Variants in LMF1 observed in about 807,000 individuals in gnomAD.
LMF1 encodes the protein transmembrane protein 112.
In LMF1, 68 loss-of-function variants were observed where a neutral mutation model predicts 60.6. The observed-to-expected ratio is 1.12, with a 90% CI of 0.92 to 1.37. LMF1 has a LOEUF of 1.37. Among genes scored for constraint, LMF1 ranks in the 40% most tolerant of loss-of-function variants. The pLI, the probability that LMF1 is intolerant of heterozygous loss-of-function variation, is 0.00. For synonymous variants in LMF1, 418 were observed against 324.7 expected, an observed-to-expected ratio of 1.29 and a Z score of -3.09; for missense variants, 948 against 767.2, an observed-to-expected ratio of 1.24 and a Z score of -2.78.
chr16:871,537 C>G (rs2069793633), intron 6 of LMF1, 196 bp from the exon 7 acceptor site: 1 of 603,992 alleles, frequency 1.7e-6, no homozygotes, highest in South Asian at 2.0e-5. Context: ...TCAGAGGTGC[C>G]TTCCGGCAGG....
At chr16:914,007 G>A (rs2071197711) in intron 3 of LMF1, among the ~76,000 whole-genome samples, 1 of 152,214 alleles carries the variant, frequency 6.6e-6, no homozygotes, top group South Asian at 2.1e-4. Context: ...CTCTTGGAGT[G>A]GCTTCCCAGA....
At position 969,522 on chromosome 16, in the gene LMF1, A is replaced by G. The variant is rs80067698; in HGVS notation, c.193+1266T>C. 7.2e-5 allele frequency among the ~76,000 whole-genome samples: 11 copies of G among 152,286 alleles called. No homozygotes were observed. In the East Asian group the frequency reaches 2.1e-3, roughly 29 times the overall value. ...TCACTCCAGCACAACCAGGCTACCA[A>G]ACTTCCCGCGACGTGTGTGGCACAA... On this transcript the variant is annotated intron_variant, in intron 1 of 10. Coordinates refer to ENST00000262301, the MANE Select transcript of LMF1 (RefSeq NM_022773.4).
At chr16:965,110 G>T (rs544600614) in intron 1 of LMF1, among the ~76,000 whole-genome samples, 3 of 152,252 alleles carry the variant, frequency 2.0e-5, no homozygotes, top group African/African-American at 7.2e-5. Context: ...TCCCGCCAGC[G>T]TTGGGCATTC....
chr16:934,303 C>T (rs780084093), intron 2 of LMF1, 49 bp from the exon 3 acceptor site: 3 of 1,597,454 alleles, frequency 1.9e-6, no homozygotes, highest in Admixed American at 1.7e-5. Flanking sequence ...CTTGTTTCAA[C>T]CAAAAACCCA....
intron 2 of LMF1, among the ~76,000 whole-genome samples, chr16:945,300 T>C (rs931500200): frequency 2.6e-5 from 4 of 151,422 alleles, no homozygotes; most frequent in East Asian, 1.9e-4. Flanking sequence ...GATAGGAGTA[T>C]TGAACTTTGA....
Position 981,282 on chromosome 16 carries a change from C to CTGTGTG in LMF1, c.-278_-273dup, listed in dbSNP as rs71142797. Reference sequence around the variant, plus strand: ...GGCGAGACCTCAGGCGCGAGACGGGCTGTGTGTGTGTGTGTGTGTGTGAGA... The same window carrying CTGTGTG: ...GGCGAGACCTCAGGCGCGAGACGGGCTGTGTGTGTGTGTGTGTGTGTGTGTGTGAGA... On this transcript the variant is annotated 5_prime_UTR_variant, in exon 1 of 7. Transcript: ENST00000570014. 19 of 310,774 alleles carry CTGTGTG rather than the reference C, an allele frequency of 6.1e-5. No homozygotes were observed. The African/African-American group carries it at 7.3e-4, about 12-fold the overall frequency. The allele number at this position is 310,774 out of a possible 1,614,324, so 19.3% of individuals were successfully genotyped here. A position where few individuals can be genotyped will look rare whatever the true frequency, so the allele number is the denominator to read the frequency against.
intron 10 of LMF1, among the ~76,000 whole-genome samples, chr16:864,466 A>G (rs1306873588): frequency 6.6e-6 from 1 of 152,190 alleles, no homozygotes; most frequent in Non-Finnish European, 1.5e-5. Flanking sequence ...ACACTGTATT[A>G]CAAAACAGGC....
chr16:863,049 T>A (rs1439871486), intron 10 of LMF1, among the ~76,000 whole-genome samples: 1 of 152,204 alleles, frequency 6.6e-6, no homozygotes, highest in Admixed American at 6.5e-5. Context: ...CCAGGTGAGT[T>A]GTGGTAGTTT....
chr16:876,115 G>C (rs907148645), intron 6 of LMF1, among the ~76,000 whole-genome samples: 16 of 152,362 alleles, frequency 1.1e-4, no homozygotes, highest in African/African-American at 3.4e-4. Context: ...CCGGGGCTCC[G>C]TCTGTTGCCC....
At chr16:967,542 G>A (rs1317741674) in intron 1 of LMF1, among the ~76,000 whole-genome samples, 1 of 152,184 alleles carries the variant, frequency 6.6e-6, no homozygotes, top group Admixed American at 6.5e-5. Flanking sequence ...ATGGCACCCA[G>A]GTCCCGCTGC....
At chr16:912,947 C>G (rs570897035) in intron 3 of LMF1, among the ~76,000 whole-genome samples, 154 of 152,366 alleles carry the variant, frequency 1.0e-3, no homozygotes, top group African/African-American at 3.5e-3. Context: ...GCTCTCCAGA[C>G]AGCTCTCACC....
intron 1 of LMF1, chr16:979,716 A>T (rs777460403): frequency 2.2e-5 from 10 of 453,998 alleles, no homozygotes; most frequent in South Asian, 1.6e-4. Context: ...CTCTCCACGG[A>T]GGTCCTCACC....
rs372471707 is a variant in LMF1, at chr16:877,187, C to T, written c.897+2383G>A. Among the ~76,000 whole-genome samples, 5 of 152,130 alleles carry T rather than the reference C, an allele frequency of 3.3e-5. No individual in the cohort carries two copies. In the South Asian group the frequency reaches 6.2e-4, roughly 19 times the overall value. On this transcript the variant is annotated intron_variant, in intron 6 of 10. Coordinates refer to ENST00000262301, the MANE Select transcript of LMF1 (RefSeq NM_022773.4). Reference sequence around the variant, plus strand: ...GCTCTACAAAAAATGAAAAATAGCTCGGCGTGGTGGCACCTGTAGTCCCGG... The same window carrying T: ...GCTCTACAAAAAATGAAAAATAGCTTGGCGTGGTGGCACCTGTAGTCCCGG...
At chr16:880,872 G>C (rs2070143825) in intron 5 of LMF1, among the ~76,000 whole-genome samples, 1 of 152,256 alleles carries the variant, frequency 6.6e-6, no homozygotes, top group African/African-American at 2.4e-5. Context: ...GGACGATGCT[G>C]CACGCTCTGC....
At position 871,338 on chromosome 16, in the gene LMF1, C is replaced by A; in HGVS notation, c.901G>T (p.Val301Phe). Residue 301 changes from valine (V) to phenylalanine (F), a missense_variant, in exon 7 of 11, where the codon GTC (valine) becomes TTC (phenylalanine). By Grantham distance (50) the Val-to-Phe change is conservative. Transcript: ENST00000262301. The stretch of plus-strand genomic sequence containing the variant: ...CTGAGGTTCCCGCTGACGATGAGGA[C>A]GGCCTGTGGAGACGCCGCAGCTGAG... ...HGVLQILFQAVLIVSGNLSFL... is the reference protein window; with the variant it reads ...HGVLQILFQAFLIVSGNLSFL... 6.2e-7 allele frequency: 1 copy of A among 1,611,820 alleles called. No homozygotes were observed. The highest frequency in any genetic ancestry group is 8.5e-7 in the Non-Finnish European group (1 of 1,179,678).
intron 3 of LMF1, among the ~76,000 whole-genome samples, chr16:925,597 TG>T (rs1490039484): frequency 1.3e-5 from 2 of 151,982 alleles, no homozygotes; most frequent in African/African-American, 4.8e-5. Context: ...TAATCGGGTG[TG>T]GTGGTTCATG....
intron 1 of LMF1, chr16:978,889 G>A (rs935067979): frequency 1.2e-5 from 5 of 433,104 alleles, no homozygotes; most frequent in East Asian, 7.1e-5. Context: ...CTCTGCTCTA[G>A]CTTCCCCAGG....
At chr16:979,670 A>G in intron 1 of LMF1, 1 of 454,122 alleles carries the variant, frequency 2.2e-6, no homozygotes, top group South Asian at 1.6e-5. Flanking sequence ...GCCTGCTCGC[A>G]GACCTAATGC....
At chr16:859,719 GC>G (rs143023558) in intron 10 of LMF1, among the ~76,000 whole-genome samples, 352 of 5,828 alleles carry the variant, frequency 0.06, 151 homozygotes, top group Middle Eastern at 0.25. Context: ...GGACGGGTGT[GC>G]AGTGGTGTCT....
Sources: allele counts gnomAD v4.1 joint callset (sites outside exome capture counted in the v4.1 genomes callset), GRCh38; gene constraint gnomAD v4.1.1; transcripts MANE v1.5; gene names NCBI Gene and HGNC (gene_info 2026-07-23, HGNC 2026-07-21).